The following ARHGAP15 variants were observed in gnomAD, a reference collection of about 807,000 sequenced individuals.
The protein encoded by ARHGAP15 is rho GTPase-activating protein 15.
ARHGAP15 carries 51 observed loss-of-function variants against 63.7 expected under a neutral mutation model. That is an observed-to-expected ratio of 0.80 (90% CI 0.64 to 1.01). ARHGAP15 has a LOEUF of 1.01. ARHGAP15 is among the 50% of genes least tolerant of loss of function. The pLI, the probability that ARHGAP15 is intolerant of heterozygous loss-of-function variation, is 0.00. For missense variants in ARHGAP15, 560 were observed against 564.6 expected, an observed-to-expected ratio of 0.99 and a Z score of 0.08; for synonymous variants, 191 against 193.8, an observed-to-expected ratio of 0.99 and a Z score of 0.12.
chr2:143,350,649 C>T (rs190468660), intron 6 of ARHGAP15, among the ~76,000 whole-genome samples: 74 of 143,304 alleles, frequency 5.2e-4, no homozygotes, highest in African/African-American at 1.8e-3. Flanking sequence ...GAAACCCCGT[C>T]TCTATTAAAA....
At chr2:143,351,130 T>TA (rs1685551627) in intron 6 of ARHGAP15, 1 of 152,192 alleles carries the variant, frequency 6.6e-6, no homozygotes, top group African/African-American at 2.4e-5. Context: ...ATGCACAAAG[T>TA]ATGCTTCTGA....
intron 11 of ARHGAP15, among the ~76,000 whole-genome samples, chr2:143,578,283 G>T (rs1275257125): frequency 6.6e-6 from 1 of 151,580 alleles, no homozygotes. Flanking sequence ...ACATTGAAAA[G>T]AAAAAAAACT....
chr2:143,638,918 T>A, intron 12 of ARHGAP15, among the ~76,000 whole-genome samples: 1 of 152,132 alleles, frequency 6.6e-6, no homozygotes, highest in East Asian at 1.9e-4. Flanking sequence ...ATTTCACTAT[T>A]TAAGTTTATT....
intron 1 of ARHGAP15, among the ~76,000 whole-genome samples, chr2:143,146,349 A>G (rs1363632978): frequency 1.3e-5 from 2 of 152,098 alleles, no homozygotes; most frequent in African/African-American, 2.4e-5. Context: ...AATCATCTTT[A>G]CAAATAAAAG....
chr2:143,216,640 G>A (rs938674304), intron 4 of ARHGAP15, among the ~76,000 whole-genome samples, 195 bp downstream of exon 4: 7 of 152,056 alleles, frequency 4.6e-5, no homozygotes, highest in Admixed American at 1.3e-4. Context: ...CTATATTGTC[G>A]AACAGAACAC....
chr2:143,194,071 C>A (rs1310198628), intron 2 of ARHGAP15, among the ~76,000 whole-genome samples: 1 of 152,156 alleles, frequency 6.6e-6, no homozygotes, highest in Non-Finnish European at 1.5e-5. Context: ...TTCTGCCAAA[C>A]ATAGCCAAAT....
intron 5 of ARHGAP15, among the ~76,000 whole-genome samples, chr2:143,234,485 G>T (rs762403431): frequency 6.6e-6 from 1 of 152,110 alleles, no homozygotes; most frequent in Non-Finnish European, 1.5e-5. Flanking sequence ...TTCTCAGGAG[G>T]TTTGGGACAT....
At chr2:143,342,567 A>G (rs1685105717) in intron 6 of ARHGAP15, among the ~76,000 whole-genome samples, 1 of 152,068 alleles carries the variant, frequency 6.6e-6, no homozygotes, top group East Asian at 1.9e-4. Context: ...TAAAGGCTGT[A>G]AGCTTTACAC....
chr2:143,263,542 C>T (rs906413064), intron 6 of ARHGAP15, among the ~76,000 whole-genome samples: 1 of 152,120 alleles, frequency 6.6e-6, no homozygotes, highest in Non-Finnish European at 1.5e-5. Context: ...ATGGCCACTC[C>T]ACTCATGGGC....
chr2:143,143,167 T>A (rs75615046), intron 1 of ARHGAP15, among the ~76,000 whole-genome samples: 4,697 of 152,014 alleles, frequency 0.031, 262 homozygotes, highest in African/African-American at 0.11. Flanking sequence ...GAACTATACT[T>A]TGAGGAAGAA....
At chr2:143,352,342 C>G (rs1307111577) in intron 6 of ARHGAP15, among the ~76,000 whole-genome samples, 3 of 152,084 alleles carry the variant, frequency 2.0e-5, no homozygotes, top group Non-Finnish European at 4.4e-5. Flanking sequence ...ATTTAATAGA[C>G]TTTTAAAAAA....
chr2:143,693,730 G>A (rs1292811953), intron 12 of ARHGAP15, among the ~76,000 whole-genome samples: 2 of 152,154 alleles, frequency 1.3e-5, no homozygotes, highest in African/African-American at 4.8e-5. Context: ...TTGATAGTTA[G>A]GGATAGAATC....
chr2:143,370,209 T>C (rs11890599), intron 6 of ARHGAP15, among the ~76,000 whole-genome samples: 65 of 152,328 alleles, frequency 4.3e-4, no homozygotes, highest in African/African-American at 1.5e-3. Context: ...TAGCTCATGG[T>C]GTTTCTTTAA....
intron 6 of ARHGAP15, among the ~76,000 whole-genome samples, chr2:143,318,588 T>C (rs1157619016): frequency 2.1e-5 from 3 of 143,632 alleles, no homozygotes; most frequent in Non-Finnish European, 3.1e-5. Context: ...AAAGCAACTT[T>C]CGTTTATTGG....
intron 11 of ARHGAP15, among the ~76,000 whole-genome samples, chr2:143,602,098 T>C (rs1375099785): frequency 6.6e-6 from 1 of 152,016 alleles, no homozygotes; most frequent in African/African-American, 2.4e-5. Flanking sequence ...ACAATATAGG[T>C]GGAGGTTTAA....
chr2:143,630,532 C>A (rs1699022768), intron 12 of ARHGAP15, among the ~76,000 whole-genome samples: 2 of 152,046 alleles, frequency 1.3e-5, no homozygotes, highest in Admixed American at 1.3e-4. Context: ...TTTATCTCTT[C>A]TGGTTACTTT....
At chr2:143,624,389 T>C in intron 12 of ARHGAP15, 122 bp downstream of exon 12, 6 of 1,147,230 alleles carry the variant, frequency 5.2e-6, no homozygotes, top group Non-Finnish European at 4.6e-6. Context: ...CGATGCTCCA[T>C]ATCTTACGTT....
intron 11 of ARHGAP15, among the ~76,000 whole-genome samples, chr2:143,576,500 TTA>T (rs1696686347): frequency 6.6e-6 from 1 of 152,194 alleles, no homozygotes; most frequent in African/African-American, 2.4e-5. Flanking sequence ...ACCATGCACT[TTA>T]TGTTTCCGGT....
intron 12 of ARHGAP15, among the ~76,000 whole-genome samples, chr2:143,638,368 G>A (rs927682607): frequency 2.2e-4 from 33 of 147,890 alleles, no homozygotes; most frequent in African/African-American, 8.2e-4. Flanking sequence ...GGATGAAATT[G>A]GAAATCATCA....
Sources: gnomAD v4.1 joint callset for allele counts (sites outside exome capture counted in the v4.1 genomes callset) on GRCh38, gnomAD v4.1.1 for gene constraint, MANE v1.5 for transcripts, NCBI Gene and HGNC (gene_info 2026-07-23, HGNC 2026-07-21) for gene names.